The following AOX1 variants were observed in gnomAD, a reference collection of about 807,000 sequenced individuals.
The protein encoded by AOX1 is aldehyde oxidase 1, also known as aldehyde oxidase.
AOX1 carries 153 observed loss-of-function variants against 169.5 expected under a neutral mutation model. The ratio of observed to expected loss-of-function variants is 0.90; its 90% CI spans 0.79 to 1.03. AOX1 has a LOEUF of 1.03. Ranked by LOEUF, AOX1 falls within the 50% of genes least tolerant of loss-of-function variation. The pLI is 0.00. For synonymous variants in AOX1, 562 were observed against 581.9 expected, an observed-to-expected ratio of 0.97 and a Z score of 0.49; for missense variants, 1,656 against 1,663.9, an observed-to-expected ratio of 1.00 and a Z score of 0.08.
chr2:200,632,127 G>A (rs137968805), intron 20 of AOX1, among the ~76,000 whole-genome samples: 86 of 151,934 alleles, frequency 5.7e-4, no homozygotes, highest in African/African-American at 1.9e-3. Context: ...TAACATGATC[G>A]TCAGTAATAA....
In AOX1 at chr2:200,670,622, A is replaced by G. The variant is rs1207795215; in HGVS notation, c.3967-7A>G. ...GGTTTGAACATCCAGATTTGTTTTT[A>G]TTTTAGATTCCGAGAGATGAACCTG... On this transcript the variant is annotated splice_region_variant and splice_polypyrimidine_tract_variant and intron_variant, in intron 34 of 34. Coordinates refer to ENST00000374700, the MANE Select transcript of AOX1 (RefSeq NM_001159.4). 7.5e-6 allele frequency: 12 copies of G among 1,610,726 alleles called. No individual in the cohort carries two copies. The South Asian group carries it at 8.8e-5, about 12-fold the overall frequency.
Position 200,651,043 on chromosome 2 carries a change from C to G in AOX1, c.2917C>G (p.Leu973Val). ...CAAACAAGAGATCAATGCCAAGAAC[C>G]TAATCCAGTGTTGGAGAGAATGTAT... ...PYKQEINAKN[L>V]IQCWRECMAM... Residue 973 changes from leucine (L) to valine (V), a missense_variant, in exon 26 of 35, where the codon CTA (leucine) becomes GTA (valine). By Grantham distance (32) the Leu-to-Val change is conservative (BLOSUM62 1). Coordinates refer to ENST00000374700, the MANE Select transcript of AOX1 (RefSeq NM_001159.4). 6.2e-7 allele frequency: 1 copy of G among 1,614,214 alleles called. No homozygotes were observed.
chr2:200,597,312 G>C (rs942950269), intron 3 of AOX1, 85 bp from the exon 4 acceptor site: 1 of 935,550 alleles, frequency 1.1e-6, no homozygotes, highest in Admixed American at 2.5e-5. Flanking sequence ...ACCTGCCACA[G>C]TGGAGAAGCT....
intron 1 of AOX1, among the ~76,000 whole-genome samples, chr2:200,592,507 A>T (rs1345290106): frequency 2.0e-5 from 3 of 151,446 alleles, no homozygotes; most frequent in Non-Finnish European, 2.9e-5. Context: ...TGACATTTTG[A>T]TGTCATCCTT....
rs370858384 is a variant in AOX1, at chr2:200,623,976, C to T, written c.2117C>T (p.Thr706Ile). ...VYQDLEPLIL[T>I]IEESIQHNSS... ...CAAGACTTGGAGCCGCTGATACTAA[C>T]AATTGAGGTAATGAGTTCTGTGGAA... The change falls in exon 19 of 35, where the codon ACA becomes ATA. Residue 706 changes from threonine to isoleucine, a missense_variant. Physicochemically the swap from Thr to Ile is moderately conservative, Grantham distance 89 (BLOSUM62 -1). Transcript: ENST00000374700. 3.3e-5 allele frequency: 54 copies of T among 1,613,946 alleles called. No individual in the cohort carries two copies. Among genetic ancestry groups the T allele is most frequent in the Non-Finnish European group, 4.4e-5 (52 of 1,179,950 alleles).
At position 200,634,737 on chromosome 2, in the gene AOX1, G is replaced by T. The variant is rs148501616; in HGVS notation, c.2222-54G>T. 1.1e-3 allele frequency: 1,699 copies of T among 1,605,696 alleles called. 5 individuals are homozygous for T. Among genetic ancestry groups the T allele is most frequent in the Non-Finnish European group, 1.3e-3 (1,516 of 1,175,084 alleles). On this transcript the variant is annotated intron_variant, in intron 20 of 34. Transcript: ENST00000374700. ...CATAACGGGATAATACCTGGGGGACGCTACCTGTTGCTTCTGACTGCTTCC... is the reference window on the plus strand; with the variant it reads ...CATAACGGGATAATACCTGGGGGACTCTACCTGTTGCTTCTGACTGCTTCC...
intron 14 of AOX1, 126 bp from the exon 15 acceptor site, chr2:200,613,678 C>T: frequency 3.3e-6 from 3 of 920,616 alleles, no homozygotes; most frequent in African/African-American, 3.4e-5. Context: ...TGAACTCGGG[C>T]TGCCTGATCC....
intron 20 of AOX1, 120 bp from the exon 21 acceptor site, chr2:200,634,671 C>A: frequency 1.6e-6 from 2 of 1,235,372 alleles, no homozygotes; most frequent in Non-Finnish European, 1.1e-6. Context: ...GTTTGTTATA[C>A]TTCACTGTGC....
intron 5 of AOX1, 88 bp downstream of exon 5, chr2:200,599,834 G>C: frequency 8.8e-7 from 1 of 1,130,046 alleles, no homozygotes; most frequent in South Asian, 3.1e-5. Flanking sequence ...GCCCGGGCTG[G>C]AGGGCGGCGG....
rs1042857996 is a variant in AOX1 at position 200,659,030 on chromosome 2, T to C, written c.3172-135T>C. The C allele has an allele frequency of 1.2e-5, 9 of 725,300 alleles. No homozygotes were observed. The Admixed American group carries it at 3.1e-4, about 25-fold the overall frequency. 44.9% of individuals were successfully genotyped at this position (725,300 alleles called of 1,614,324 possible). A position where few individuals can be genotyped will look rare whatever the true frequency, so the allele number is the denominator to read the frequency against. ...TTAGAAACAAGAAACTTTTCATGGC[T>C]GGAGGAATTTGTGGTTCTGCTCCCT... is the stretch of plus-strand genomic sequence containing the variant. On this transcript the variant is annotated intron_variant, in intron 27 of 34. Transcript: ENST00000374700.
In AOX1 at chr2:200,649,422, C is replaced by G. The variant is rs79507664; in HGVS notation, c.2848-1552C>G. Among the ~76,000 whole-genome samples the G allele has an allele frequency of 2.5e-3, 380 of 152,300 alleles. 8 individuals carry two copies. The East Asian group carries it at 0.039, about 15-fold the overall frequency. On this transcript the variant is annotated intron_variant, in intron 25 of 34. Transcript: ENST00000374700. ...CTGGGAGAGGAGGATCTCCCTTCCC[C>G]CTCACAGCTGGGGCACTCACGGTAT...
rs147623858 is a variant in AOX1, at chr2:200,593,104, T to C, written c.46-42T>C. 1,409 of 1,454,936 alleles carry C rather than the reference T, an allele frequency of 9.7e-4. 17 individuals carry two copies. In the Admixed American group the frequency reaches 0.022, roughly 22 times the overall value. 90.1% of individuals were successfully genotyped at this position (1,454,936 alleles called of 1,614,324 possible). A position where few individuals can be genotyped will look rare whatever the true frequency, so the allele number is the denominator to read the frequency against. On this transcript the variant is annotated intron_variant, in intron 1 of 34. Coordinates refer to ENST00000374700, the MANE Select transcript of AOX1 (RefSeq NM_001159.4). ...TGTGATCCTACCAATGTGAATTTCA[T>C]ATTAGCTCTCTCAACTAACTCTTAT...
Position 200,586,054 on chromosome 2 carries a change from C to T in AOX1, c.-55C>T. The T allele has an allele frequency of 1.3e-6, 2 of 1,544,796 alleles. No individual in the cohort carries two copies. The highest frequency in any genetic ancestry group is 1.7e-6 in the Non-Finnish European group (2 of 1,145,528). ...GCCGCCGGGTCCCAGGTGCCCGCTA[C>T]TTCCCAGAACCTCCGCCTCCCGCTC... On this transcript the variant is annotated 5_prime_UTR_variant, in exon 1 of 35. Coordinates refer to ENST00000374700, the MANE Select transcript of AOX1 (RefSeq NM_001159.4).
chr2:200,637,069 A>G (rs1468647480), intron 22 of AOX1, 25 bp downstream of exon 22: 3 of 1,612,906 alleles, frequency 1.9e-6, no homozygotes, highest in Non-Finnish European at 1.7e-6. Context: ...TCTGCTAAAA[A>G]TAAAGTGAAG....
At chr2:200,600,003 T>C in intron 5 of AOX1, among the ~76,000 whole-genome samples, 1 of 152,300 alleles carries the variant, frequency 6.6e-6, no homozygotes, top group Middle Eastern at 3.4e-3. Context: ...TAGTATTAAA[T>C]ACTATTTGAA....
chr2:200,656,507 A>T (rs1574956776), intron 26 of AOX1, among the ~76,000 whole-genome samples: 1 of 152,178 alleles, frequency 6.6e-6, no homozygotes, highest in East Asian at 1.9e-4. Context: ...ATTTTGCAGC[A>T]AAACAATTTT....
Position 200,611,377 on chromosome 2 carries a change from T to C in AOX1, c.1154-7T>C, listed in dbSNP as rs1435243864. 2 of 1,600,330 alleles carry C rather than the reference T, an allele frequency of 1.2e-6. No homozygotes were observed. The highest frequency in any genetic ancestry group is 1.7e-5 in the Admixed American group (1 of 59,972). ...GATCCCAGGGAAAGTGTCATTTCTT[T>C]CCACAGAAGGAAAACGACAGATTCC... On this transcript the variant is annotated splice_polypyrimidine_tract_variant and splice_region_variant and intron_variant, in intron 12 of 34. Coordinates refer to ENST00000374700, the MANE Select transcript of AOX1 (RefSeq NM_001159.4).
intron 1 of AOX1, among the ~76,000 whole-genome samples, chr2:200,589,998 A>G (rs1215407558): frequency 6.6e-6 from 1 of 152,162 alleles, no homozygotes; most frequent in Non-Finnish European, 1.5e-5. Context: ...ATGTGTCCCC[A>G]TGGCTGTTCC....
chr2:200,592,081 A>C (rs2106364710), intron 1 of AOX1, among the ~76,000 whole-genome samples: 1 of 152,318 alleles, frequency 6.6e-6, no homozygotes, highest in East Asian at 1.9e-4. Flanking sequence ...TAAGTTTGGA[A>C]AATAAAATAA....
Sources: gnomAD v4.1 joint callset for allele counts (sites outside exome capture counted in the v4.1 genomes callset) on GRCh38, gnomAD v4.1.1 for gene constraint, MANE v1.5 for transcripts, NCBI Gene and HGNC (gene_info 2026-07-23, HGNC 2026-07-21) for gene names.